MLIP: variants seen among roughly 807,000 people sequenced by gnomAD.
MLIP encodes muscular LMNA interacting protein.
Under a neutral mutation model 84.8 loss-of-function variants are expected in MLIP, and 79 were observed. The ratio of observed to expected loss-of-function variants is 0.93; its 90% CI spans 0.78 to 1.12. The LOEUF (loss-of-function observed/expected upper bound fraction) is 1.12, where lower values mean the gene tolerates loss of function less well. Among genes scored for constraint, MLIP ranks in the 50% most tolerant of loss-of-function variants. The pLI is 0.00. For synonymous variants in MLIP, 504 were observed against 463.0 expected (o/e 1.09, Z -1.14); for missense variants, 1,257 against 1,160.6 (o/e 1.08, Z -1.21).
At chr6:54,262,515 G>A (rs981704427) in intron 13 of MLIP, among the ~76,000 whole-genome samples, 1 of 152,030 alleles carries the variant, frequency 6.6e-6, no homozygotes, top group African/African-American at 2.4e-5. Flanking sequence ...TTTACACAAG[G>A]TAAAGTAAAC....
intron 1 of MLIP, among the ~76,000 whole-genome samples, chr6:54,020,551 GA>G (rs2150258605): frequency 6.6e-6 from 1 of 152,278 alleles, no homozygotes; most frequent in Admixed American, 6.5e-5. Context: ...TCTTTTACAG[GA>G]AGTTTTGCGA....
intron 11 of MLIP, among the ~76,000 whole-genome samples, chr6:54,225,448 G>C (rs961746519): frequency 6.6e-6 from 1 of 152,118 alleles, no homozygotes; most frequent in Admixed American, 6.6e-5. Flanking sequence ...GTTCGTTGTT[G>C]GCTGAAATGT....
rs577202245 is a variant in MLIP at position 54,118,201 on chromosome 6, A to C, written c.97-3246A>C. On this transcript the variant is annotated intron_variant, in intron 1 of 13. Coordinates refer to ENST00000502396, the MANE Select transcript of MLIP (RefSeq NM_001281747.2). ...TCTTATGGAACTACACAAGAGCCTG[A>C]ATAACCAAAGCAATTTGAGCAACAA... Among the ~76,000 whole-genome samples, 21 of 152,356 alleles carry C rather than the reference A, an allele frequency of 1.4e-4. No individual in the cohort carries two copies. In the South Asian group the frequency reaches 3.5e-3, roughly 26 times the overall value.
chr6:54,252,477 A>G (rs1251448763), intron 12 of MLIP, among the ~76,000 whole-genome samples: 1 of 139,422 alleles, frequency 7.2e-6, no homozygotes, highest in Non-Finnish European at 1.5e-5. Flanking sequence ...TATAAATATA[A>G]TATATTATAA....
chr6:54,117,974 AAC>A (rs1770103091), intron 1 of MLIP, among the ~76,000 whole-genome samples: 1 of 148,758 alleles, frequency 6.7e-6, no homozygotes, highest in Non-Finnish European at 1.5e-5. Context: ...CAACAGCAAC[AAC>A]AACAACAACA....
At chr6:54,122,702 A>G (rs1770558302) in intron 2 of MLIP, among the ~76,000 whole-genome samples, 1 of 152,156 alleles carries the variant, frequency 6.6e-6, no homozygotes, top group Admixed American at 6.5e-5. Context: ...TCTTTCCTAC[A>G]GCACTCATTT....
rs79036401 is a variant in MLIP at position 54,027,866 on chromosome 6, G to A, written c.63+8775G>A. ...TTTTGATATAGCTCTGTGTGATGGC[G>A]AATAACAGAAAGGAGATAGATGGAT... On this transcript the variant is annotated intron_variant, in intron 1 of 12. Transcript: ENST00000274897. 3.0e-3 allele frequency among the ~76,000 whole-genome samples: 459 copies of A among 152,290 alleles called. 3 individuals are homozygous for A. The highest frequency in any genetic ancestry group is 9.3e-3 in the East Asian group (48 of 5,182).
chr6:54,262,571 G>C (rs943043686), intron 13 of MLIP, among the ~76,000 whole-genome samples: 2 of 151,982 alleles, frequency 1.3e-5, no homozygotes, highest in African/African-American at 4.8e-5. Flanking sequence ...CTTTGAGCCA[G>C]GCTTGAGCTA....
chr6:54,203,551 G>T (rs911505301), intron 11 of MLIP: 1 of 151,804 alleles, frequency 6.6e-6, no homozygotes, highest in East Asian at 1.9e-4. Flanking sequence ...TGGGCAAGTG[G>T]TGTTATCTCT....
At chr6:54,262,991 T>C (rs1783482963) in intron 13 of MLIP, among the ~76,000 whole-genome samples, 1 of 152,024 alleles carries the variant, frequency 6.6e-6, no homozygotes, top group South Asian at 2.1e-4. Context: ...AAATCTACTA[T>C]AGGAGAAGTG....
Position 54,247,409 on chromosome 6 carries a change from A to T in MLIP, c.2923-9899A>T, listed in dbSNP as rs548371995. ...AGTAAAAGAAGACAGATTCTCCAGAAGGAAGATTTTAGACTCCATCAGTTG... is the reference window on the plus strand; with the variant it reads ...AGTAAAAGAAGACAGATTCTCCAGATGGAAGATTTTAGACTCCATCAGTTG... On this transcript the variant is annotated intron_variant, in intron 12 of 13. Transcript: ENST00000502396. Among the ~76,000 whole-genome samples the T allele has an allele frequency of 3.3e-5, 5 of 152,262 alleles. No individual in the cohort carries two copies. In the South Asian group the frequency reaches 1.0e-3, roughly 32 times the overall value.
At chr6:54,074,215 A>G (rs1766655691) in intron 1 of MLIP, among the ~76,000 whole-genome samples, 1 of 152,164 alleles carries the variant, frequency 6.6e-6, no homozygotes, top group Non-Finnish European at 1.5e-5. Context: ...GATAGGTAGA[A>G]ATATGTAATT....
At chr6:54,192,666 T>A (rs1021817007) in intron 10 of MLIP, among the ~76,000 whole-genome samples, 4 of 151,914 alleles carry the variant, frequency 2.6e-5, no homozygotes, top group African/African-American at 9.7e-5. Context: ...TGCATACACA[T>A]ATAGATGACA....
At chr6:54,186,767 C>T (rs1582438478) in intron 9 of MLIP, among the ~76,000 whole-genome samples, 1 of 152,132 alleles carries the variant, frequency 6.6e-6, no homozygotes, top group South Asian at 2.1e-4. Flanking sequence ...CTGCCCTCAA[C>T]ATGTGGGGAT....
At position 54,137,243 on chromosome 6, in the gene MLIP, T is replaced by C. The variant is rs780150019; in HGVS notation, c.1174T>C (p.Cys392Arg). Residue 392 changes from cysteine (C) to arginine (R), a missense_variant, in exon 4 of 14, where the codon TGC (cysteine) becomes CGC (arginine). Coordinates refer to ENST00000502396, the MANE Select transcript of MLIP (RefSeq NM_001281747.2). ...TTTCCACGGCTCTTCTTCCACCATCTGCAGCCAAATGTCATCTAGTGGAAA... is the reference window on the plus strand; with the variant it reads ...TTTCCACGGCTCTTCTTCCACCATCCGCAGCCAAATGTCATCTAGTGGAAA... ...SSFHGSSSTI[C>R]SQMSSSGNLS... 6.5e-6 allele frequency: 10 copies of C among 1,536,112 alleles called. No homozygotes were observed. The highest frequency in any genetic ancestry group is 3.5e-6 in the Non-Finnish European group (4 of 1,146,902).
At chr6:54,132,447 A>G (rs1462589472) in intron 3 of MLIP, among the ~76,000 whole-genome samples, 2 of 152,198 alleles carry the variant, frequency 1.3e-5, no homozygotes, top group Non-Finnish European at 2.9e-5. Flanking sequence ...AGTTTTTTTC[A>G]TTCATCTTTC....
intron 5 of MLIP, among the ~76,000 whole-genome samples, chr6:54,150,629 A>G (rs1330566452): frequency 6.6e-6 from 1 of 152,170 alleles, no homozygotes; most frequent in African/African-American, 2.4e-5. Flanking sequence ...CGCCTCATCT[A>G]GGCACATTCT....
chr6:54,200,628 TTTTTTG>T (rs1302931631), intron 10 of MLIP, among the ~76,000 whole-genome samples: 5 of 39,684 alleles, frequency 1.3e-4, no homozygotes, highest in Admixed American at 4.0e-4. Flanking sequence ...TTTTTTTTTT[TTTTTTG>T]GCAGCACTTA....
Position 54,216,304 on chromosome 6 carries a change from T to A in MLIP, c.2718+14071T>A, listed in dbSNP as rs200308678. ...AATTGTAGAAGCCTATTTTCTATGT[T>A]ACTTTTGACTTCTTCAATTTTAACT... On this transcript the variant is annotated intron_variant, in intron 11 of 13. Coordinates refer to ENST00000502396, the MANE Select transcript of MLIP (RefSeq NM_001281747.2). The A allele has an allele frequency of 3.0e-6, 3 of 985,172 alleles. No homozygotes were observed. The Admixed American group carries it at 1.8e-4, about 61-fold the overall frequency. 61.0% of individuals were successfully genotyped at this position (985,172 alleles called of 1,614,324 possible). A position where few individuals can be genotyped will look rare whatever the true frequency, so the allele number is the denominator to read the frequency against.
Sources: gnomAD v4.1 joint callset for allele counts (sites outside exome capture counted in the v4.1 genomes callset) on GRCh38, gnomAD v4.1.1 for gene constraint, MANE v1.5 for transcripts, NCBI Gene and HGNC (gene_info 2026-07-23, HGNC 2026-07-21) for gene names.